Variants in S100Z observed in about 807,000 individuals in gnomAD.
S100Z encodes the protein S100 calcium binding protein Z.
Under a neutral mutation model 8.5 loss-of-function variants are expected in S100Z, and 11 were observed. The observed-to-expected ratio is 1.30, with a 90% CI of 0.82 to 2.15. The LOEUF (loss-of-function observed/expected upper bound fraction) is 2.15. Among genes scored for constraint, S100Z ranks in the 30% most tolerant of loss-of-function variants. The probability of loss-of-function intolerance (pLI) is 0.00; values close to 1 mark genes in which losing one functional copy is unlikely to be tolerated. For synonymous variants in S100Z, 34 were observed against 43.8 expected, an observed-to-expected ratio of 0.78 and a Z score of 0.89; for missense variants, 126 against 117.9, an observed-to-expected ratio of 1.07 and a Z score of -0.32.
At chr5:76,850,316 A>C (rs1329410254) in intron 1 of S100Z, among the ~76,000 whole-genome samples, 161 bp downstream of exon 1, 1 of 72,118 alleles carries the variant, frequency 1.4e-5, no homozygotes. Flanking sequence ...CTTGGCCACA[A>C]AGGGGTCGGG....
chr5:76,873,709 T>C (rs1397034707), intron 2 of S100Z, among the ~76,000 whole-genome samples: 1 of 152,132 alleles, frequency 6.6e-6, no homozygotes, highest in Non-Finnish European at 1.5e-5. Flanking sequence ...GATGGGATGG[T>C]TGAGGTTACA....
the S100Z span, among the ~76,000 whole-genome samples, chr5:76,941,626 T>G: frequency 6.6e-6 from 1 of 152,240 alleles, no homozygotes; most frequent in African/African-American, 2.4e-5. Context: ...ATACTACCAA[T>G]GTGATTCATC....
chr5:76,872,931 C>T (rs930567151), intron 2 of S100Z, among the ~76,000 whole-genome samples: 3 of 152,102 alleles, frequency 2.0e-5, no homozygotes, highest in Admixed American at 6.6e-5. Flanking sequence ...TGTGATGGCA[C>T]CACTGCACTC....
chr5:76,851,843 C>T (rs1379358849), intron 1 of S100Z, among the ~76,000 whole-genome samples: 3 of 151,986 alleles, frequency 2.0e-5, no homozygotes, highest in South Asian at 4.2e-4. Context: ...CAGAAAAGAA[C>T]GAGATGTAAA....
intron 4 of S100Z, among the ~76,000 whole-genome samples, chr5:76,904,816 A>G (rs908511890): frequency 6.6e-6 from 1 of 152,038 alleles, no homozygotes; most frequent in Non-Finnish European, 1.5e-5. Flanking sequence ...AAATGCTGGG[A>G]TTATAGTTGT....
chr5:76,856,111 T>G (rs756729228), intron 1 of S100Z, among the ~76,000 whole-genome samples: 14 of 152,232 alleles, frequency 9.2e-5, no homozygotes, highest in Non-Finnish European at 1.9e-4. Flanking sequence ...CTGCCATGAC[T>G]GAGCATTTCC....
chr5:76,902,636 TG>T (rs1744269257), intron 4 of S100Z, among the ~76,000 whole-genome samples: 3 of 149,000 alleles, frequency 2.0e-5, no homozygotes, highest in African/African-American at 7.7e-5. Flanking sequence ...GGGTTTTTTT[TG>T]TTTTTTTTTT....
the S100Z span, among the ~76,000 whole-genome samples, chr5:76,946,147 C>T: frequency 6.6e-6 from 1 of 152,168 alleles, no homozygotes; most frequent in Non-Finnish European, 1.5e-5. Context: ...TCTCTTTAGT[C>T]TGGATTTTGT....
intron 4 of S100Z, among the ~76,000 whole-genome samples, chr5:76,897,844 C>A (rs1744094925): frequency 6.6e-6 from 1 of 152,172 alleles, no homozygotes; most frequent in Non-Finnish European, 1.5e-5. Context: ...TATCTTGGAA[C>A]TTTACTGAAT....
At chr5:76,891,192 T>G (rs907817338) in intron 4 of S100Z, among the ~76,000 whole-genome samples, 6 of 152,226 alleles carry the variant, frequency 3.9e-5, no homozygotes, top group Non-Finnish European at 8.8e-5. Context: ...TTAAAGCAGT[T>G]GTGTTTATGT....
At chr5:76,886,639 C>T (rs1743647205) in intron 4 of S100Z, among the ~76,000 whole-genome samples, 2 of 152,084 alleles carry the variant, frequency 1.3e-5, no homozygotes, top group Non-Finnish European at 2.9e-5. Context: ...GTGTGAGCAA[C>T]AAGGCTGTTT....
In S100Z at chr5:76,874,155, A is replaced by G. The variant is rs1033655568; in HGVS notation, c.-56-1149A>G. Among the ~76,000 whole-genome samples, 9 of 149,486 alleles carry G rather than the reference A, an allele frequency of 6.0e-5. 1 individual carries two copies. In the South Asian group the frequency reaches 1.9e-3, roughly 32 times the overall value. On this transcript the variant is annotated intron_variant, in intron 2 of 4. Coordinates refer to ENST00000317593, the MANE Select transcript of S100Z (RefSeq NM_130772.4). ...ATTTCTTTTTTACACAGTTGGGAGCACTGCTTTGTACCTTTCTAAATCAGT... is the reference window on the plus strand; with the variant it reads ...ATTTCTTTTTTACACAGTTGGGAGCGCTGCTTTGTACCTTTCTAAATCAGT...
the S100Z span, among the ~76,000 whole-genome samples, chr5:76,940,995 G>A: frequency 6.6e-5 from 10 of 152,176 alleles, no homozygotes; most frequent in African/African-American, 2.4e-4. Flanking sequence ...GTGTGTATTA[G>A]TCCATTCTCC....
At chr5:76,862,605 C>T (rs1466931655) in intron 1 of S100Z, among the ~76,000 whole-genome samples, 1 of 152,086 alleles carries the variant, frequency 6.6e-6, no homozygotes, top group Non-Finnish European at 1.5e-5. Context: ...TCGAGACCAG[C>T]CTGGCCAACA....
intron 4 of S100Z, among the ~76,000 whole-genome samples, chr5:76,891,382 A>G (rs1743848604): frequency 6.6e-6 from 1 of 152,214 alleles, no homozygotes; most frequent in Admixed American, 6.5e-5. Flanking sequence ...AAAGGGCATC[A>G]GGGGATTCTA....
intron 1 of S100Z, among the ~76,000 whole-genome samples, chr5:76,856,571 C>T (rs1164552729): frequency 6.6e-6 from 1 of 152,212 alleles, no homozygotes; most frequent in Non-Finnish European, 1.5e-5. Flanking sequence ...GACTAATACG[C>T]TTGCTGACAA....
At chr5:76,855,335 A>G (rs1311782395) in intron 1 of S100Z, among the ~76,000 whole-genome samples, 2 of 152,176 alleles carry the variant, frequency 1.3e-5, no homozygotes, top group Admixed American at 6.5e-5. Context: ...AGCTGCAGGC[A>G]CTCAATGCCA....
intron 4 of S100Z, among the ~76,000 whole-genome samples, chr5:76,916,160 C>CAAAAA (rs60866296): frequency 1.5e-5 from 1 of 66,818 alleles, no homozygotes; most frequent in Non-Finnish European, 3.7e-5. Context: ...GACTCCATCT[C>CAAAAA]AAAAAAAAAA....
chr5:76,952,546 T>C, the S100Z span, among the ~76,000 whole-genome samples: 3 of 152,268 alleles, frequency 2.0e-5, no homozygotes, highest in Non-Finnish European at 1.5e-5. Context: ...GTTCCACCTC[T>C]TTAAAGCTGA....
Sources: allele counts gnomAD v4.1 joint callset (sites outside exome capture counted in the v4.1 genomes callset), GRCh38; gene constraint gnomAD v4.1.1; transcripts MANE v1.5; gene names NCBI Gene and HGNC (gene_info 2026-07-23, HGNC 2026-07-21).